PCDHGA4: variants seen among roughly 807,000 people sequenced by gnomAD.
PCDHGA4 encodes protocadherin gamma subfamily A, 4.
Under a neutral mutation model 54.6 loss-of-function variants are expected in PCDHGA4, and 38 were observed. That is an observed-to-expected ratio of 0.70 (90% CI 0.54 to 0.91). The LOEUF (loss-of-function observed/expected upper bound fraction) is 0.91. Ranked by LOEUF, PCDHGA4 falls within the 40% of genes least tolerant of loss-of-function variation. The pLI is 0.00. For missense variants in PCDHGA4, 1,298 were observed against 1,220.9 expected (o/e 1.06, Z -0.94); for synonymous variants, 511 against 512.9 (o/e 1.00, Z 0.05).
chr5:141,371,825 G>A (rs1239561889), intron 1 of PCDHGA4: 1 of 1,613,792 alleles, frequency 6.2e-7, no homozygotes, highest in Non-Finnish European at 8.5e-7. Context: ...TCAGAGCCTC[G>A]GATCCCGACT....
chr5:141,417,034 T>C (rs1408752235), intron 1 of PCDHGA4: 1 of 151,548 alleles, frequency 6.6e-6, no homozygotes, highest in Non-Finnish European at 1.5e-5. Context: ...ACAGGTTTTT[T>C]TTTTAAAAAA....
At chr5:141,381,989 C>G (rs1013941230) in intron 1 of PCDHGA4, among the ~76,000 whole-genome samples, 13 of 151,916 alleles carry the variant, frequency 8.6e-5, no homozygotes, top group Admixed American at 7.2e-4. Flanking sequence ...GCCACCACGC[C>G]CGGATAATTT....
At chr5:141,419,034 T>C in intron 1 of PCDHGA4, 1 of 1,613,902 alleles carries the variant, frequency 6.2e-7, no homozygotes, top group Non-Finnish European at 8.5e-7. Flanking sequence ...GGTGTTCCAT[T>C]TAAGATTCAT....
intron 1 of PCDHGA4, chr5:141,378,252 C>A (rs939045432): frequency 6.6e-6 from 1 of 152,178 alleles, no homozygotes; most frequent in Admixed American, 6.5e-5. Context: ...TGGCCGGGTG[C>A]GGTGGCTCAT....
At chr5:141,420,692 A>G (rs2096518268) in intron 1 of PCDHGA4, among the ~76,000 whole-genome samples, 1 of 152,228 alleles carries the variant, frequency 6.6e-6, no homozygotes, top group Admixed American at 6.5e-5. Context: ...GGACCGTATT[A>G]TTTCCACTTC....
chr5:141,459,909 G>A (rs7446907), intron 1 of PCDHGA4, among the ~76,000 whole-genome samples: 42,418 of 152,010 alleles, frequency 0.28, 6,645 homozygotes, highest in African/African-American at 0.43. Flanking sequence ...TGAGCTATGG[G>A]AGTTTTAAAA....
rs763544302 is a variant in PCDHGA4, at chr5:141,385,145, T to C, written c.2514+27524T>C. On this transcript the variant is annotated intron_variant, in intron 1 of 3. Coordinates refer to ENST00000571252, the MANE Select transcript of PCDHGA4 (RefSeq NM_018917.4). ...GTGGGCATGGACGGGGTGCAGGCTTTCCTGCAGACCTATTCCCATGAGGTC... is the reference window on the plus strand; with the variant it reads ...GTGGGCATGGACGGGGTGCAGGCTTCCCTGCAGACCTATTCCCATGAGGTC... 5.6e-6 allele frequency: 9 copies of C among 1,614,106 alleles called. No homozygotes were observed. The highest frequency in any genetic ancestry group is 7.6e-6 in the Non-Finnish European group (9 of 1,180,050).
At chr5:141,415,966 C>A in intron 1 of PCDHGA4, 1 of 405,602 alleles carries the variant, frequency 2.5e-6, no homozygotes, top group East Asian at 5.2e-5. Context: ...AAACTCCAGC[C>A]CCTTAAGCAA....
intron 1 of PCDHGA4, chr5:141,410,847 GTCT>G: frequency 6.3e-6 from 1 of 158,248 alleles, no homozygotes. Context: ...TTTTGTCTTT[GTCT>G]TTTTTTTTTT....
intron 1 of PCDHGA4, among the ~76,000 whole-genome samples, chr5:141,450,006 C>CTATTTT (rs70988802): frequency 0.12 from 16,177 of 132,696 alleles, 1,810 homozygotes; most frequent in African/African-American, 0.21. Flanking sequence ...TGCCATGTCT[C>CTATTTT]TTTTTTTTTT....
intron 1 of PCDHGA4, chr5:141,383,154 C>T (rs749274128): frequency 1.2e-6 from 2 of 1,613,994 alleles, no homozygotes; most frequent in Non-Finnish European, 1.7e-6. Context: ...GCAGCTTGGT[C>T]ACTGCGGGCA....
chr5:141,415,627 A>T, intron 1 of PCDHGA4: 1 of 1,598,406 alleles, frequency 6.3e-7, no homozygotes, highest in Non-Finnish European at 8.5e-7. Context: ...TTTTATTTTC[A>T]TTTTTACTTT....
At chr5:141,463,108 T>G (rs1212278355) in intron 1 of PCDHGA4, among the ~76,000 whole-genome samples, 1 of 152,202 alleles carries the variant, frequency 6.6e-6, no homozygotes, top group Non-Finnish European at 1.5e-5. Flanking sequence ...CATCAAGAAT[T>G]CAGCTAATAG....
At chr5:141,385,066 C>G in intron 1 of PCDHGA4, 1 of 1,614,194 alleles carries the variant, frequency 6.2e-7, no homozygotes, top group Non-Finnish European at 8.5e-7. Context: ...GCACAAGTCA[C>G]GCCTGCTGCA....
At chr5:141,453,240 A>G (rs1470706774) in intron 1 of PCDHGA4, among the ~76,000 whole-genome samples, 1 of 152,020 alleles carries the variant, frequency 6.6e-6, no homozygotes, top group African/African-American at 2.4e-5. Context: ...CAGCCTCCCA[A>G]ATAGCTGGGG....
chr5:141,431,868 A>G lies in PCDHGA4; in HGVS notation c.2515-62939A>G, dbSNP rs755283039. On this transcript the variant is annotated intron_variant, in intron 1 of 3. Coordinates refer to ENST00000571252, the MANE Select transcript of PCDHGA4 (RefSeq NM_018917.4). This position sits in a 1 kb window ranked among gnomAD's most constrained non-coding sequence, Gnocchi z 4.8. ...AGAGGGACATTAATTGCCCTTTTAAATGTAAATGACCAAGATTCTGAGGAA... is the reference window on the plus strand; with the variant it reads ...AGAGGGACATTAATTGCCCTTTTAAGTGTAAATGACCAAGATTCTGAGGAA... 4.3e-6 allele frequency: 7 copies of G among 1,614,102 alleles called. No individual in the cohort carries two copies. In the South Asian group the frequency reaches 6.6e-5, roughly 15 times the overall value.
chr5:141,418,270 A>T, intron 1 of PCDHGA4: 1 of 1,614,052 alleles, frequency 6.2e-7, no homozygotes. Context: ...GGAAAGATGA[A>T]ATAAACTTAG....
intron 1 of PCDHGA4, chr5:141,413,123 A>T: frequency 6.5e-7 from 1 of 1,526,818 alleles, no homozygotes. Flanking sequence ...GAACCGGTTG[A>T]AACACACAAC....
intron 1 of PCDHGA4, chr5:141,424,411 C>T (rs1259102577): frequency 6.6e-6 from 1 of 152,154 alleles, no homozygotes; most frequent in Admixed American, 6.5e-5. Flanking sequence ...GGTGAAGTTA[C>T]ATTGACTGTT....
Sources: gnomAD v4.1 joint callset for allele counts (sites outside exome capture counted in the v4.1 genomes callset) on GRCh38, gnomAD v4.1.1 for gene constraint, Gnocchi (gnomAD v3.1) non-coding constraint, MANE v1.5 for transcripts, NCBI Gene and HGNC (gene_info 2026-07-23, HGNC 2026-07-21) for gene names.